Variants in ABHD17C observed in about 807,000 individuals in gnomAD.
ABHD17C encodes alpha/beta hydrolase domain-containing protein 17C.
A neutral mutation model predicts 27.9 loss-of-function variants in ABHD17C; 11 were observed. The observed-to-expected ratio is 0.39, with a 90% confidence interval of 0.25 to 0.65. The LOEUF (loss-of-function observed/expected upper bound fraction) is 0.65. Among genes scored for constraint, ABHD17C ranks in the 30% least tolerant of loss-of-function variants. ABHD17C has a pLI of 0.45. For missense variants in ABHD17C, 280 were observed against 470.2 expected, an observed-to-expected ratio of 0.60 and a Z score of 3.74; for synonymous variants, 233 against 209.1, an observed-to-expected ratio of 1.11 and a Z score of -0.98.
intron 1 of ABHD17C, among the ~76,000 whole-genome samples, chr15:80,741,797 G>A (rs766374418): frequency 7.9e-5 from 12 of 152,094 alleles, no homozygotes; most frequent in Non-Finnish European, 1.3e-4. Flanking sequence ...TGGCATATTC[G>A]AATTGTCAGC....
intron 1 of ABHD17C, chr15:80,703,101 T>A (rs1567030247): frequency 6.6e-6 from 1 of 152,258 alleles, no homozygotes. Context: ...ATGACTGCTC[T>A]GCTTCCTGGC....
At chr15:80,711,180 C>T (rs116670949) in intron 1 of ABHD17C, among the ~76,000 whole-genome samples, 174 of 152,308 alleles carry the variant, frequency 1.1e-3, no homozygotes, top group African/African-American at 4.0e-3. Context: ...GCGCTCTGCT[C>T]ATCTGGCTCC....
chr15:80,720,801 A>G (rs1290059496), intron 1 of ABHD17C, among the ~76,000 whole-genome samples: 1 of 151,882 alleles, frequency 6.6e-6, no homozygotes, highest in African/African-American at 2.4e-5. Flanking sequence ...GGTGCCTGTA[A>G]TCCCAGCTAC....
At chr15:80,739,857 G>GCTGT (rs35505201) in intron 1 of ABHD17C, among the ~76,000 whole-genome samples, 52,361 of 151,846 alleles carry the variant, frequency 0.34, 9,883 homozygotes, top group East Asian at 0.83. Flanking sequence ...CAGGTGGGCT[G>GCTGT]CTGAGTTCTC....
At chr15:80,723,136 A>ATGTGTGTGTGTGTG (rs1323977699) in intron 1 of ABHD17C, among the ~76,000 whole-genome samples, 16 of 92,514 alleles carry the variant, frequency 1.7e-4, no homozygotes, top group African/African-American at 3.3e-4. Context: ...GTGTGTGTAT[A>ATGTGTGTGTGTGTG]TATGTGTGTG....
rs144891002 is a variant in ABHD17C at position 80,728,050 on chromosome 15, T to C, written c.591-21463T>C. 1.7e-3 allele frequency among the ~76,000 whole-genome samples: 253 copies of C among 152,292 alleles called. 1 individual carries two copies. The highest frequency in any genetic ancestry group is 5.9e-3 in the African/African-American group (244 of 41,560). ...CTGCTGCCTAAGAGCGTTGTGGTCT[T>C]GGGCGATTCATCTACCTGGCAGGAA... is the stretch of plus-strand genomic sequence containing the variant. On this transcript the variant is annotated intron_variant, in intron 1 of 2. Coordinates refer to ENST00000258884, the MANE Select transcript of ABHD17C (RefSeq NM_021214.2).
chr15:80,752,005 A>G (rs377327919), intron 2 of ABHD17C, among the ~76,000 whole-genome samples: 2 of 152,216 alleles, frequency 1.3e-5, no homozygotes, highest in African/African-American at 4.8e-5. Context: ...AATTTAAACA[A>G]AAGGAAAAGG....
At chr15:80,742,566 C>T (rs1055500207) in intron 1 of ABHD17C, among the ~76,000 whole-genome samples, 3 of 152,140 alleles carry the variant, frequency 2.0e-5, no homozygotes, top group Non-Finnish European at 4.4e-5. Context: ...CCAGAAGCAC[C>T]CTCACAGACA....
intron 1 of ABHD17C, among the ~76,000 whole-genome samples, chr15:80,704,009 T>A (rs1894609365): frequency 6.6e-6 from 1 of 152,228 alleles, no homozygotes; most frequent in Non-Finnish European, 1.5e-5. Context: ...TAATGAAAGT[T>A]AAGTGAATGT....
intron 1 of ABHD17C, among the ~76,000 whole-genome samples, chr15:80,720,321 T>C (rs544276606): frequency 2.0e-5 from 3 of 152,068 alleles, no homozygotes; most frequent in Non-Finnish European, 2.9e-5. Flanking sequence ...AGTTTCTACT[T>C]GTTCTTTCTT....
At chr15:80,747,072 C>G (rs573355123) in intron 1 of ABHD17C, among the ~76,000 whole-genome samples, 1 of 152,260 alleles carries the variant, frequency 6.6e-6, no homozygotes, top group East Asian at 1.9e-4. Flanking sequence ...CTTCAGTTTT[C>G]ACTTCTCTCC....
At chr15:80,750,753 A>T (rs1336853234) in intron 2 of ABHD17C, among the ~76,000 whole-genome samples, 2 of 152,110 alleles carry the variant, frequency 1.3e-5, no homozygotes, top group African/African-American at 4.8e-5. Context: ...AGTAGGGCTA[A>T]TGTGCCTCTC....
At chr15:80,750,376 A>G (rs531787104) in intron 2 of ABHD17C, among the ~76,000 whole-genome samples, 1 of 152,310 alleles carries the variant, frequency 6.6e-6, no homozygotes, top group African/African-American at 2.4e-5. Flanking sequence ...TTTTTAATAC[A>G]AAATATTTTG....
Position 80,695,843 on chromosome 15 carries a change from G to T in ABHD17C, c.414G>T (p.Ser138=). 2 of 1,591,420 alleles carry T rather than the reference G, an allele frequency of 1.3e-6. No individual in the cohort carries two copies. Among genetic ancestry groups the T allele is most frequent in the South Asian group, 1.1e-5 (1 of 89,916 alleles). The change falls in exon 1 of 3, where the codon TCG becomes TCT. Residue 138 remains serine (S), a synonymous_variant. Transcript: ENST00000258884. This position sits in a 1 kb window ranked among gnomAD's most constrained non-coding sequence, Gnocchi z 4.3. ...APSSRYTLLF[S]HGNAVDLGQM... is the part of the protein sequence containing the mutation. ...CCAGCCGCTACACGCTGCTCTTCTCGCACGGCAACGCCGTGGACCTGGGCC... is the reference window on the plus strand; with the variant it reads ...CCAGCCGCTACACGCTGCTCTTCTCTCACGGCAACGCCGTGGACCTGGGCC...
Position 80,695,883 on chromosome 15 carries a change from T to C in ABHD17C, c.454T>C (p.Tyr152His). 1 of 1,597,402 alleles carries C rather than the reference T, an allele frequency of 6.3e-7. No individual in the cohort carries two copies. The highest frequency in any genetic ancestry group is 8.5e-7 in the Non-Finnish European group (1 of 1,179,294). ...GGACCTGGGCCAGATGTGCAGCTTC[T>C]ACATTGGCCTCGGCTCCCGCATCAA... is the stretch of plus-strand genomic sequence containing the variant. Reference protein sequence around the residue: ...AVDLGQMCSFYIGLGSRINCN... With the variant: ...AVDLGQMCSFHIGLGSRINCN... Residue 152 changes from tyrosine (Y) to histidine (H), a missense_variant, in exon 1 of 3, where the codon TAC (tyrosine) becomes CAC (histidine). Tyr to His is a moderately conservative substitution (Grantham distance 83). Around this residue, in one of 2 missense-constraint regions of ABHD17C, gnomAD observed 206 missense variants for 394.7 expected, o/e 0.52. Coordinates refer to ENST00000258884, the MANE Select transcript of ABHD17C (RefSeq NM_021214.2). The surrounding 1 kb of genome is among the most constrained non-coding windows in gnomAD (Gnocchi z 4.3).
chr15:80,717,304 G>T (rs1246687247), intron 1 of ABHD17C, among the ~76,000 whole-genome samples: 4 of 142,856 alleles, frequency 2.8e-5, no homozygotes, highest in Non-Finnish European at 4.5e-5. Flanking sequence ...TTTCATCTTT[G>T]CCTCATCCAT....
intron 1 of ABHD17C, among the ~76,000 whole-genome samples, chr15:80,742,956 A>G (rs1895230132): frequency 1.1e-5 from 1 of 90,884 alleles, no homozygotes; most frequent in African/African-American, 4.3e-5. Context: ...AAGACTTCAT[A>G]GGGGCAGAAG....
At chr15:80,734,001 TTA>T (rs1895092441) in intron 1 of ABHD17C, among the ~76,000 whole-genome samples, 1 of 150,464 alleles carries the variant, frequency 6.6e-6, no homozygotes, top group African/African-American at 2.5e-5. Context: ...ATTTATTTTT[TTA>T]AAACAGGGTC....
At chr15:80,726,501 G>GTTTGTTTTTTTTTTTTTT (rs1894978114) in intron 1 of ABHD17C, among the ~76,000 whole-genome samples, 27 of 94,502 alleles carry the variant, frequency 2.9e-4, no homozygotes, top group African/African-American at 1.4e-3. Context: ...TCTTTTTCTG[G>GTTTGTTTTTTTTTTTTTT]TTTTTTTTTT....
Sources: allele counts gnomAD v4.1 joint callset (sites outside exome capture counted in the v4.1 genomes callset), GRCh38; gene constraint gnomAD v4.1.1; regional missense constraint gnomAD v4.1.1; non-coding constraint Gnocchi (gnomAD v3.1); transcripts MANE v1.5; gene names NCBI Gene and HGNC (gene_info 2026-07-23, HGNC 2026-07-21).